Variants in THSD7B observed in about 807,000 individuals in gnomAD.
The protein encoded by THSD7B is thrombospondin type 1 domain containing 7B.
In THSD7B, 138 loss-of-function variants were observed where a neutral mutation model predicts 213.6. That is an observed-to-expected ratio of 0.65 (90% CI 0.56 to 0.74). The LOEUF (loss-of-function observed/expected upper bound fraction) is 0.74, where lower values mean the gene tolerates loss of function less well. Ranked by LOEUF, THSD7B falls within the 30% of genes least tolerant of loss-of-function variation. THSD7B has a pLI of 0.00. For missense variants in THSD7B, 1,931 were observed against 1,991.5 expected (o/e 0.97, Z 0.58); for synonymous variants, 742 against 687.0 (o/e 1.08, Z -1.25).
At chr2:137,124,116 G>A (rs948110997) in intron 5 of THSD7B, among the ~76,000 whole-genome samples, 6 of 152,160 alleles carry the variant, frequency 3.9e-5, no homozygotes, top group Non-Finnish European at 4.4e-5. Flanking sequence ...TTTTCTGAGA[G>A]TAGAAGATTA....
intron 15 of THSD7B, among the ~76,000 whole-genome samples, chr2:137,550,000 C>A (rs1290303321): frequency 2.0e-5 from 3 of 151,998 alleles, no homozygotes; most frequent in Non-Finnish European, 4.4e-5. Flanking sequence ...GAGTCCCTGG[C>A]ACGCCGTGAA....
chr2:136,836,196 G>GT (rs1459685640), intron 1 of THSD7B, among the ~76,000 whole-genome samples: 5 of 152,178 alleles, frequency 3.3e-5, no homozygotes, highest in African/African-American at 1.2e-4. Flanking sequence ...CAAAAAGTGT[G>GT]TATGTGAGCT....
rs561561906 is a variant in THSD7B at position 137,271,388 on chromosome 2, T to TATTA, written c.2267-1145_2267-1144insATTA. On this transcript the variant is annotated intron_variant, in intron 10 of 27. Transcript: ENST00000409968. ...ATGGCTTCATTCATATATATATATA[T>TATTA]TATGAATTATATATATATGAATTAT... is the stretch of plus-strand genomic sequence containing the variant. 1.9e-4 allele frequency among the ~76,000 whole-genome samples: 27 copies of TATTA among 139,552 alleles called. 2 individuals are homozygous for TATTA. The highest frequency in any genetic ancestry group is 4.1e-3 in the Middle Eastern group (1 of 244). 91.6% of individuals were successfully genotyped at this position (139,552 alleles called of 152,430 possible).
intron 1 of THSD7B, among the ~76,000 whole-genome samples, chr2:136,800,663 A>G (rs887242194): frequency 4.0e-5 from 6 of 151,692 alleles, no homozygotes; most frequent in Non-Finnish European, 7.4e-5. Context: ...GCCGTTTTTC[A>G]AGTAACTGCA....
At chr2:136,810,167 G>A (rs538059705) in intron 1 of THSD7B, among the ~76,000 whole-genome samples, 30 of 152,276 alleles carry the variant, frequency 2.0e-4, no homozygotes, top group African/African-American at 4.6e-4. Context: ...GTGCTGTCAC[G>A]TGCTGCTGCC....
At chr2:137,160,871 G>A (rs1325677018) in intron 6 of THSD7B, among the ~76,000 whole-genome samples, 1 of 152,000 alleles carries the variant, frequency 6.6e-6, no homozygotes, top group African/African-American at 2.4e-5. Flanking sequence ...ATCTGCCCAC[G>A]TCAGTCTCCT....
intron 12 of THSD7B, among the ~76,000 whole-genome samples, chr2:137,296,859 C>T (rs1205904788): frequency 6.6e-6 from 1 of 151,962 alleles, no homozygotes; most frequent in East Asian, 1.9e-4. Context: ...GCTGTTGTGG[C>T]TTCCTTGCTC....
intron 1 of THSD7B, among the ~76,000 whole-genome samples, chr2:136,817,456 G>A (rs1483770579): frequency 6.6e-6 from 1 of 151,456 alleles, no homozygotes; most frequent in African/African-American, 2.4e-5. Context: ...GTCCTGAATG[G>A]TAATGCCTAG....
At chr2:136,882,946 A>T (rs2104992167) in intron 2 of THSD7B, among the ~76,000 whole-genome samples, 1 of 152,300 alleles carries the variant, frequency 6.6e-6, no homozygotes, top group Non-Finnish European at 1.5e-5. Flanking sequence ...TGTGAAAAAG[A>T]TCTGTTAAAT....
At chr2:137,324,735 C>T (rs995904650) in intron 12 of THSD7B, among the ~76,000 whole-genome samples, 1 of 152,040 alleles carries the variant, frequency 6.6e-6, no homozygotes, top group Admixed American at 6.6e-5. Context: ...TTGTGTAAAT[C>T]AAGGGGAATG....
chr2:137,036,155 T>G (rs142056960), intron 2 of THSD7B, among the ~76,000 whole-genome samples: 5 of 152,316 alleles, frequency 3.3e-5, no homozygotes, highest in African/African-American at 1.2e-4. Context: ...TTCTTAGTTA[T>G]TTTCACTAAT....
At chr2:137,165,391 C>T (rs1680104809) in intron 6 of THSD7B, among the ~76,000 whole-genome samples, 2 of 152,308 alleles carry the variant, frequency 1.3e-5, no homozygotes, top group South Asian at 2.1e-4. Flanking sequence ...AGTTTTCCCT[C>T]TAGGGAAATG....
chr2:137,658,779 A>G (rs1683286667), intron 24 of THSD7B, among the ~76,000 whole-genome samples: 1 of 152,230 alleles, frequency 6.6e-6, no homozygotes, highest in South Asian at 2.1e-4. Context: ...GGGACAATGT[A>G]GGTCTGACTG....
At chr2:137,291,377 A>G (rs1683333746) in intron 12 of THSD7B, among the ~76,000 whole-genome samples, 1 of 152,166 alleles carries the variant, frequency 6.6e-6, no homozygotes, top group African/African-American at 2.4e-5. Flanking sequence ...AATGCAGAAA[A>G]TGTACCTTAT....
At chr2:137,304,744 A>AT (rs1175958405) in intron 12 of THSD7B, among the ~76,000 whole-genome samples, 8 of 151,740 alleles carry the variant, frequency 5.3e-5, no homozygotes, top group Non-Finnish European at 1.0e-4. Context: ...CTCTTTAGGA[A>AT]TTTTTTCTTT....
chr2:136,983,346 C>G (rs566636523), intron 2 of THSD7B, among the ~76,000 whole-genome samples: 3 of 130,642 alleles, frequency 2.3e-5, no homozygotes, highest in Non-Finnish European at 4.7e-5. Flanking sequence ...CACACACACA[C>G]ACAGACACAC....
At chr2:137,173,640 T>C in intron 7 of THSD7B, among the ~76,000 whole-genome samples, 1 of 152,222 alleles carries the variant, frequency 6.6e-6, no homozygotes, top group Non-Finnish European at 1.5e-5. Flanking sequence ...CCTGAATGAC[T>C]CCCTCATCGT....
intron 12 of THSD7B, among the ~76,000 whole-genome samples, chr2:137,282,208 A>G (rs1308562951): frequency 6.6e-6 from 1 of 151,970 alleles, no homozygotes; most frequent in African/African-American, 2.4e-5. Context: ...TCTTCTTTTG[A>G]GAAGTGTCTG....
intron 1 of THSD7B, among the ~76,000 whole-genome samples, chr2:136,871,876 A>G (rs751812543): frequency 2.0e-5 from 3 of 152,202 alleles, no homozygotes; most frequent in Non-Finnish European, 4.4e-5. Context: ...ATCATAAATG[A>G]AGCACCCCTT....
Sources: allele counts gnomAD v4.1 joint callset (sites outside exome capture counted in the v4.1 genomes callset), GRCh38; gene constraint gnomAD v4.1.1; transcripts MANE v1.5; gene names NCBI Gene and HGNC (gene_info 2026-07-23, HGNC 2026-07-21).